Variants in ZNF345 observed in about 807,000 individuals in gnomAD.
ZNF345 encodes the protein zinc finger protein 345.
For synonymous variants in ZNF345, 166 were observed against 187.9 expected, an observed-to-expected ratio of 0.88 and a Z score of 0.95; for missense variants, 527 against 589.9, an observed-to-expected ratio of 0.89 and a Z score of 1.10.
chr19:36,892,311 T>A (rs1284563235), intron 3 of ZNF345: 2 of 1,613,866 alleles, frequency 1.2e-6, no homozygotes, highest in Non-Finnish European at 1.7e-6. Context: ...TCTTTCCACA[T>A]ATCTTACATT....
intron 2 of ZNF345, chr19:36,858,260 G>T: frequency 6.5e-6 from 1 of 153,344 alleles, no homozygotes. Flanking sequence ...TGAGAATGGA[G>T]AAGGAACAAA....
downstream of ZNF345, chr19:36,893,118 G>A (rs755003804): frequency 2.5e-6 from 1 of 397,518 alleles, no homozygotes; most frequent in Non-Finnish European, 4.4e-6. Flanking sequence ...CAAATGTGTT[G>A]AAAGGTTTAA....
intron 3 of ZNF345, chr19:36,890,536 T>C (rs1021012128): frequency 5.3e-5 from 8 of 152,068 alleles, no homozygotes; most frequent in Admixed American, 4.6e-4. Flanking sequence ...CCTTTTTAAT[T>C]TTTGTTGGTA....
In ZNF345 at chr19:36,876,859, A is replaced by T. The variant is rs781040781; in HGVS notation, c.29A>T (p.Glu10Val). The change falls in exon 3 of 3, where the codon GAG (glutamate) becomes GTG (valine). Residue 10 changes from glutamate to valine, a missense_variant. By Grantham distance (121) the Glu-to-Val change is moderately radical (BLOSUM62 -2). Coordinates refer to ENST00000420450, the MANE Select transcript of ZNF345 (RefSeq NM_001242472.2). ...GAAAACCTTACAAAACACAGCATTG[A>T]GTGTTCAAGTTTCAGAGGTGATTGG... Reference protein sequence around the residue: MENLTKHSIECSSFRGDWEC... With the variant: MENLTKHSIVCSSFRGDWEC... 1.2e-5 allele frequency: 19 copies of T among 1,612,790 alleles called. No homozygotes were observed. The highest frequency in any genetic ancestry group is 1.5e-5 in the Non-Finnish European group (18 of 1,179,410).
chr19:36,858,000 A>G (rs1029568196), intron 2 of ZNF345, among the ~76,000 whole-genome samples: 4 of 150,940 alleles, frequency 2.7e-5, no homozygotes, highest in Non-Finnish European at 5.9e-5. Context: ...GGCTGGTCTC[A>G]AACTCCTGAC....
intron 2 of ZNF345, among the ~76,000 whole-genome samples, chr19:36,871,881 C>T (rs949381759): frequency 6.6e-6 from 1 of 152,112 alleles, no homozygotes; most frequent in Non-Finnish European, 1.5e-5. Context: ...GATTCTCCTG[C>T]CTCAGCCTCC....
intron 3 of ZNF345, chr19:36,891,386 G>A (rs971615847): frequency 4.4e-5 from 52 of 1,185,562 alleles, no homozygotes; most frequent in South Asian, 1.7e-4. Flanking sequence ...GTTTAAAAAC[G>A]AATACATAGG....
At chr19:36,864,820 G>A (rs2072625330) in intron 2 of ZNF345, among the ~76,000 whole-genome samples, 1 of 152,214 alleles carries the variant, frequency 6.6e-6, no homozygotes, top group Admixed American at 6.5e-5. Flanking sequence ...ATACGTGCAG[G>A]GTTGGCATCT....
At chr19:36,855,242 A>C (rs981603881) in intron 2 of ZNF345, among the ~76,000 whole-genome samples, 10 of 122,452 alleles carry the variant, frequency 8.2e-5, no homozygotes, top group African/African-American at 3.3e-4. Flanking sequence ...TCCCGGGTTC[A>C]CGCCATTCTC....
intron 2 of ZNF345, among the ~76,000 whole-genome samples, chr19:36,855,098 G>A (rs993436611): frequency 2.0e-5 from 3 of 151,250 alleles, no homozygotes; most frequent in Admixed American, 1.3e-4. Flanking sequence ...TGATCCGCCT[G>A]CCTCAGCCTC....
At chr19:36,890,487 T>C (rs1600725967) in intron 3 of ZNF345, 2 of 152,264 alleles carry the variant, frequency 1.3e-5, no homozygotes, top group Non-Finnish European at 2.9e-5. Context: ...TATCTTCTTG[T>C]TGAATTTATC....
rs568784608 is a variant in ZNF345, at chr19:36,879,447, A to G, written c.*1150A>G. 2 of 167,174 alleles carry G rather than the reference A, an allele frequency of 1.2e-5. No individual in the cohort carries two copies. The highest frequency in any genetic ancestry group is 2.1e-4 in the South Asian group (1 of 4,824). 10.4% of individuals were successfully genotyped at this position (167,174 alleles called of 1,614,324 possible). ...AAACAAGGTGTGATTATGCTATACT[A>G]TAACCAGCCCTTAATATTTTTTGTC... On this transcript the variant is annotated 3_prime_UTR_variant, in exon 3 of 3. Coordinates refer to ENST00000420450, the MANE Select transcript of ZNF345 (RefSeq NM_001242472.2).
At chr19:36,865,594 G>A (rs1390267401) in intron 2 of ZNF345, among the ~76,000 whole-genome samples, 1 of 152,048 alleles carries the variant, frequency 6.6e-6, no homozygotes, top group African/African-American at 2.4e-5. Context: ...CCGAGTAGCT[G>A]GGACTATAGA....
At chr19:36,862,932 A>G (rs1261688670) in intron 2 of ZNF345, 1 of 152,174 alleles carries the variant, frequency 6.6e-6, no homozygotes, top group African/African-American at 2.4e-5. Flanking sequence ...AAATTTGGAC[A>G]CACAGAGAGA....
At chr19:36,861,428 A>T (rs1387440704) in intron 2 of ZNF345, among the ~76,000 whole-genome samples, 1 of 152,238 alleles carries the variant, frequency 6.6e-6, no homozygotes, top group Non-Finnish European at 1.5e-5. Context: ...TATCCTCATT[A>T]GATTTACGAA....
intron 2 of ZNF345, among the ~76,000 whole-genome samples, chr19:36,864,380 G>C (rs529677106): frequency 6.6e-6 from 1 of 151,970 alleles, no homozygotes. Context: ...GCCAGGTGTG[G>C]TGCATGTGCC....
intron 2 of ZNF345, among the ~76,000 whole-genome samples, chr19:36,865,771 A>G (rs575214037): frequency 6.6e-6 from 1 of 152,318 alleles, no homozygotes. Flanking sequence ...CTTTACGGAC[A>G]TGCACATATT....
chr19:36,881,051 AC>A (rs909543277), downstream of ZNF345, among the ~76,000 whole-genome samples: 25 of 152,240 alleles, frequency 1.6e-4, no homozygotes, highest in African/African-American at 5.5e-4. Flanking sequence ...TAGATCAATC[AC>A]AACCTAATGT....
At chr19:36,874,669 C>G (rs1162372307) in intron 2 of ZNF345, among the ~76,000 whole-genome samples, 1 of 150,794 alleles carries the variant, frequency 6.6e-6, no homozygotes, top group Non-Finnish European at 1.5e-5. Flanking sequence ...ATCCCAGGTA[C>G]TGAGGAGGCT....
Sources: allele counts gnomAD v4.1 joint callset (sites outside exome capture counted in the v4.1 genomes callset), GRCh38; gene constraint gnomAD v4.1.1; transcripts MANE v1.5; gene names NCBI Gene and HGNC (gene_info 2026-07-23, HGNC 2026-07-21).